The following MEI4 variants were observed in gnomAD, a reference collection of about 807,000 sequenced individuals.
MEI4 encodes meiotic double-stranded break formation protein 4.
In MEI4, 27 loss-of-function variants were observed where a neutral mutation model predicts 31.4. The ratio of observed to expected loss-of-function variants is 0.86; its 90% CI spans 0.63 to 1.19. MEI4 has a LOEUF of 1.19. Ranked by LOEUF, MEI4 falls within the 50% of genes most tolerant of loss-of-function variation. The pLI, the probability that MEI4 is intolerant of heterozygous loss-of-function variation, is 0.00. For missense variants in MEI4, 329 were observed against 398.9 expected, an observed-to-expected ratio of 0.82 and a Z score of 1.49; for synonymous variants, 122 against 145.4, an observed-to-expected ratio of 0.84 and a Z score of 1.16.
chr6:77,650,662 C>G (rs889362619), upstream of MEI4, among the ~76,000 whole-genome samples: 3 of 152,374 alleles, frequency 2.0e-5, no homozygotes, highest in Middle Eastern at 3.4e-3. Flanking sequence ...ACCACTCGTC[C>G]CTTTCACGTG....
At chr6:77,736,078 G>A (rs1283749484) in intron 2 of MEI4, among the ~76,000 whole-genome samples, 1 of 152,094 alleles carries the variant, frequency 6.6e-6, no homozygotes, top group Non-Finnish European at 1.5e-5. Flanking sequence ...GGTTACTGCT[G>A]TCTTTTTGTT....
chr6:77,834,364 T>C (rs528173885), intron 4 of MEI4, among the ~76,000 whole-genome samples: 4 of 146,404 alleles, frequency 2.7e-5, no homozygotes, highest in African/African-American at 9.8e-5. Flanking sequence ...TGGTTTCTAG[T>C]TCATTTCATA....
intron 2 of MEI4, among the ~76,000 whole-genome samples, chr6:77,698,365 A>G (rs1042133735): frequency 6.6e-6 from 1 of 152,058 alleles, no homozygotes; most frequent in South Asian, 2.1e-4. Flanking sequence ...CCTAGCCTGG[A>G]TGGTCTTTAC....
In MEI4 at chr6:77,693,074, G is replaced by C. The variant is rs191808873; in HGVS notation, c.232+2171G>C. ...GGTGTAAGGTGCACATATATGCTGT[G>C]GGTAATAGGAGACTTTAGTTTTGGG... On this transcript the variant is annotated intron_variant, in intron 2 of 4. Transcript: ENST00000684080. 9.9e-5 allele frequency among the ~76,000 whole-genome samples: 15 copies of C among 152,080 alleles called. No homozygotes were observed. In the East Asian group the frequency reaches 2.9e-3, roughly 29 times the overall value.
intron 2 of MEI4, among the ~76,000 whole-genome samples, chr6:77,735,519 C>G (rs919817717): frequency 6.6e-6 from 1 of 151,942 alleles, no homozygotes; most frequent in Non-Finnish European, 1.5e-5. Context: ...ATTGGTTATT[C>G]TAGTTATACA....
chr6:77,745,964 C>G (rs572660165), intron 2 of MEI4, among the ~76,000 whole-genome samples: 6 of 152,086 alleles, frequency 3.9e-5, no homozygotes, highest in African/African-American at 9.6e-5. Context: ...GGGACACATT[C>G]AAAGCAGTGT....
At chr6:77,921,506 A>G (rs565863643) in intron 4 of MEI4, among the ~76,000 whole-genome samples, 20 of 151,930 alleles carry the variant, frequency 1.3e-4, no homozygotes, top group Middle Eastern at 3.4e-3. Flanking sequence ...TCAGTGGAAG[A>G]GAACTTTACT....
At position 77,820,040 on chromosome 6, in the gene MEI4, C is replaced by A. The variant is rs887173419; in HGVS notation, c.769-8891C>A. Among the ~76,000 whole-genome samples the A allele has an allele frequency of 4.0e-5, 6 of 151,834 alleles. No homozygotes were observed. Among genetic ancestry groups the A allele is most frequent in the African/African-American group, 1.5e-4 (6 of 41,314 alleles). On this transcript the variant is annotated intron_variant, in intron 3 of 4. Coordinates refer to ENST00000684080, the MANE Select transcript of MEI4 (RefSeq NM_001322247.2). The surrounding 1 kb of genome is among the most constrained non-coding windows in gnomAD (Gnocchi z 4.5). ...TTTTTATTATAAGCTTTCTGAGGAC[C>A]TAAATCTTATTTTTTTCTGAATGGT...
chr6:77,730,646 C>T (rs991545657), intron 2 of MEI4, among the ~76,000 whole-genome samples: 7 of 151,192 alleles, frequency 4.6e-5, no homozygotes, highest in Non-Finnish European at 8.8e-5. Context: ...TATTATTATA[C>T]CTTAAGTTTT....
intron 2 of MEI4, among the ~76,000 whole-genome samples, chr6:77,696,039 G>A (rs1309296872): frequency 6.6e-6 from 1 of 152,074 alleles, no homozygotes; most frequent in Non-Finnish European, 1.5e-5. Context: ...GTGAATGGGA[G>A]TTCACTCATG....
intron 2 of MEI4, among the ~76,000 whole-genome samples, chr6:77,748,801 A>G (rs912885599): frequency 2.0e-5 from 3 of 152,178 alleles, no homozygotes; most frequent in African/African-American, 4.8e-5. Context: ...TTCTTCATAT[A>G]GATTTTCTAA....
At position 77,767,592 on chromosome 6, in the gene MEI4, G is replaced by A. The variant is rs141050688; in HGVS notation, c.768+5927G>A. Among the ~76,000 whole-genome samples, 54 of 151,844 alleles carry A rather than the reference G, an allele frequency of 3.6e-4. No individual in the cohort carries two copies. In the East Asian group the frequency reaches 7.8e-3, roughly 22 times the overall value. ...CACACCTGTAGTCCCAGCTACTCAC[G>A]AGTCTGAGGTGGTAGGATTGCTTGA... is the stretch of plus-strand genomic sequence containing the variant. On this transcript the variant is annotated intron_variant, in intron 3 of 4. Coordinates refer to ENST00000684080, the MANE Select transcript of MEI4 (RefSeq NM_001322247.2).
chr6:77,812,159 CT>C (rs1449077972), intron 3 of MEI4, among the ~76,000 whole-genome samples: 1 of 151,866 alleles, frequency 6.6e-6, no homozygotes, highest in Non-Finnish European at 1.5e-5. Flanking sequence ...TAAACAGTTG[CT>C]TTTATGTTTG....
chr6:77,918,283 A>C (rs1425788652), intron 4 of MEI4, among the ~76,000 whole-genome samples: 6 of 149,658 alleles, frequency 4.0e-5, no homozygotes, highest in Non-Finnish European at 8.9e-5. Flanking sequence ...ACTTTAAAGT[A>C]GTTTTTTCCA....
intron 4 of MEI4, among the ~76,000 whole-genome samples, chr6:77,838,111 C>T (rs568537124): frequency 6.6e-5 from 10 of 152,164 alleles, no homozygotes; most frequent in South Asian, 4.1e-4. Flanking sequence ...TATAAAACCC[C>T]GCTGACATTA....
chr6:77,919,725 G>A (rs1261304832), intron 4 of MEI4, among the ~76,000 whole-genome samples: 1 of 148,950 alleles, frequency 6.7e-6, no homozygotes, highest in Non-Finnish European at 1.5e-5. Flanking sequence ...TTTTTTGAAA[G>A]GATCAACAAA....
At chr6:77,810,725 G>A (rs951500103) in intron 3 of MEI4, among the ~76,000 whole-genome samples, 4 of 152,128 alleles carry the variant, frequency 2.6e-5, no homozygotes, top group African/African-American at 9.6e-5. Context: ...AATAATCAAA[G>A]GTTAATACAT....
At chr6:77,859,465 T>A (rs924096710) in intron 4 of MEI4, among the ~76,000 whole-genome samples, 5 of 152,182 alleles carry the variant, frequency 3.3e-5, no homozygotes, top group Non-Finnish European at 4.4e-5. Context: ...ATGGTTGAAC[T>A]AATTTACATT....
In MEI4 at chr6:77,923,339, G is replaced by GAAAAT; in HGVS notation, c.1154_1158dup. On this transcript the variant is annotated frameshift_variant, in exon 5 of 5. Coordinates refer to ENST00000684080, the MANE Select transcript of MEI4 (RefSeq NM_001322247.2). LOFTEE classifies it high-confidence loss of function. ...AGCTCAGCACAGATAGAAACTCTTA[G>GAAAAT]AAAATAACTCCATTCCTTAGCAATT... 1 of 1,229,612 alleles carries GAAAAT rather than the reference G, an allele frequency of 8.1e-7. No individual in the cohort carries two copies. The allele number at this position is 1,229,612 out of a possible 1,614,324, so 76.2% of individuals were successfully genotyped here. A position where few individuals can be genotyped will look rare whatever the true frequency, so the allele number is the denominator to read the frequency against.
Sources: allele counts gnomAD v4.1 joint callset (sites outside exome capture counted in the v4.1 genomes callset), GRCh38; gene constraint gnomAD v4.1.1; non-coding constraint Gnocchi (gnomAD v3.1); transcripts MANE v1.5; gene names NCBI Gene and HGNC (gene_info 2026-07-23, HGNC 2026-07-21).